DNAJC8: variants seen among roughly 807,000 people sequenced by gnomAD.
The protein encoded by DNAJC8 is dnaJ homolog subfamily C member 8.
Under a neutral mutation model 43.2 loss-of-function variants are expected in DNAJC8, and 24 were observed. That is an observed-to-expected ratio of 0.56 (90% CI 0.40 to 0.78). The LOEUF is 0.78. DNAJC8 is among the 30% of genes least tolerant of loss of function. DNAJC8 has a pLI of 0.00. For missense variants in DNAJC8, 207 were observed against 299.4 expected (o/e 0.69, Z 2.28); for synonymous variants, 83 against 98.0 (o/e 0.85, Z 0.90).
intron 6 of DNAJC8, 126 bp downstream of exon 6, chr1:28,208,215 TA>T: frequency 1.7e-6 from 1 of 588,992 alleles, no homozygotes; most frequent in Non-Finnish European, 2.6e-6. Flanking sequence ...TCAAAAATAA[TA>T]AATAAATAAA....
chr1:28,203,054 T>C (rs550159206), intron 8 of DNAJC8, among the ~76,000 whole-genome samples: 1 of 152,306 alleles, frequency 6.6e-6, no homozygotes, highest in African/African-American at 2.4e-5. Flanking sequence ...CCCCAAAACT[T>C]GGATGGCTGC....
intron 2 of DNAJC8, among the ~76,000 whole-genome samples, chr1:28,223,113 G>A (rs541436229): frequency 6.6e-6 from 1 of 152,314 alleles, no homozygotes; most frequent in Non-Finnish European, 1.5e-5. Context: ...GGTATGGTGA[G>A]AAGGGTGTCC....
intron 3 of DNAJC8, among the ~76,000 whole-genome samples, chr1:28,214,103 C>T (rs1411569539): frequency 6.6e-6 from 1 of 151,944 alleles, no homozygotes; most frequent in South Asian, 2.1e-4. Context: ...TTTAAGTTTA[C>T]TTTAAAACTT....
At chr1:28,230,795 G>A (rs1646968483) in intron 1 of DNAJC8, among the ~76,000 whole-genome samples, 1 of 152,188 alleles carries the variant, frequency 6.6e-6, no homozygotes, top group Admixed American at 6.5e-5. Context: ...ACTACAGGCA[G>A]TGCCTGCCAG....
intron 3 of DNAJC8, among the ~76,000 whole-genome samples, chr1:28,213,313 G>A (rs1489669363): frequency 6.6e-6 from 1 of 151,764 alleles, no homozygotes; most frequent in African/African-American, 2.4e-5. Context: ...TATTAATATG[G>A]GAATGATTAG....
intron 8 of DNAJC8, 80 bp downstream of exon 8, chr1:28,203,667 C>A (rs1646751216): frequency 7.2e-7 from 1 of 1,379,940 alleles, no homozygotes; most frequent in African/African-American, 1.4e-5. Flanking sequence ...CTCTGACTGC[C>A]CCACTCAGTC....
At chr1:28,202,173 T>G (rs1382660660) in intron 8 of DNAJC8, among the ~76,000 whole-genome samples, 1 of 152,212 alleles carries the variant, frequency 6.6e-6, no homozygotes, top group Non-Finnish European at 1.5e-5. Context: ...CAGGATGAGC[T>G]GCAGGTTGCA....
At chr1:28,206,719 C>A (rs1436159062) in intron 6 of DNAJC8, among the ~76,000 whole-genome samples, 1 of 152,264 alleles carries the variant, frequency 6.6e-6, no homozygotes, top group East Asian at 1.9e-4. Context: ...TTTAAATAGA[C>A]ATGGAAGTAC....
intron 3 of DNAJC8, among the ~76,000 whole-genome samples, chr1:28,212,168 A>AATATATATATAT (rs201782610): frequency 1.5e-3 from 46 of 30,914 alleles, no homozygotes; most frequent in Non-Finnish European, 2.0e-3. Flanking sequence ...TAAATAAATA[A>AATATATATATAT]ATATATATAT....
Position 28,226,950 on chromosome 1 carries a change from T to C in DNAJC8, c.180+1972A>G, listed in dbSNP as rs142726874. 1.4e-3 allele frequency among the ~76,000 whole-genome samples: 214 copies of C among 151,144 alleles called. 6 individuals carry two copies. The highest frequency in any genetic ancestry group is 4.9e-3 in the African/African-American group (203 of 41,158). On this transcript the variant is annotated intron_variant, in intron 2 of 8. Transcript: ENST00000263697. Reference sequence around the variant, plus strand: ...TTCATATAGCCTTATAACTCATTTGTACTATTCCATTTTCCTCTGTTCCTT... The same window carrying C: ...TTCATATAGCCTTATAACTCATTTGCACTATTCCATTTTCCTCTGTTCCTT...
At chr1:28,208,518 G>A in intron 5 of DNAJC8, 105 bp from the exon 6 acceptor site, 2 of 532,560 alleles carry the variant, frequency 3.8e-6, no homozygotes, top group South Asian at 6.0e-5. Context: ...CACGGGTATA[G>A]CAAAAAGTTT....
At chr1:28,210,498 G>C in intron 4 of DNAJC8, 73 bp downstream of exon 4, 3 of 1,349,726 alleles carry the variant, frequency 2.2e-6, no homozygotes, top group Admixed American at 1.8e-5. Flanking sequence ...GTCTTTGCTT[G>C]ATCTAGGACA....
intron 7 of DNAJC8, among the ~76,000 whole-genome samples, chr1:28,204,591 T>C (rs571676544): frequency 6.6e-6 from 1 of 152,306 alleles, no homozygotes; most frequent in Admixed American, 6.5e-5. Context: ...TTGTTACTGA[T>C]GACACTACAG....
rs1385274680 is a variant in DNAJC8, at chr1:28,200,394, G to A, written c.*854C>T. On this transcript the variant is annotated 3_prime_UTR_variant, in exon 9 of 9. Transcript: ENST00000263697. ...ATGGTAGTTACCTTGTATATGCCAT[G>A]GCAAATCTGCCCTAAAAGCTGCTGC... The A allele has an allele frequency of 1.4e-5, 6 of 443,018 alleles. No homozygotes were observed. The East Asian group carries it at 2.8e-4, about 21-fold the overall frequency. 27.4% of individuals were successfully genotyped at this position (443,018 alleles called of 1,614,324 possible).
At chr1:28,222,539 T>C (rs1646906014) in intron 2 of DNAJC8, among the ~76,000 whole-genome samples, 1 of 147,908 alleles carries the variant, frequency 6.8e-6, no homozygotes, top group African/African-American at 2.5e-5. Context: ...TTTTATGTTA[T>C]GTGTATTTTA....
chr1:28,233,022 A>G lies in DNAJC8; in HGVS notation c.-24T>C. The G allele has an allele frequency of 6.2e-7, 1 of 1,609,144 alleles. No individual in the cohort carries two copies. Among genetic ancestry groups the G allele is most frequent in the Non-Finnish European group, 8.5e-7 (1 of 1,179,856 alleles). ...ATTTCCCCGGCCCAGCCACCACGTG[A>G]CCCTTCTGCGCAGGCGTCGCCTCAC... is the stretch of plus-strand genomic sequence containing the variant. On this transcript the variant is annotated 5_prime_UTR_variant, in exon 1 of 9. Transcript: ENST00000263697.
chr1:28,228,816 C>G, intron 2 of DNAJC8, 106 bp downstream of exon 2: 1 of 920,528 alleles, frequency 1.1e-6, no homozygotes, highest in South Asian at 1.7e-5. Context: ...CCATTTTTCT[C>G]AATCCTAACT....
chr1:28,215,101 T>C, intron 2 of DNAJC8, 105 bp from the exon 3 acceptor site: 2 of 885,630 alleles, frequency 2.3e-6, no homozygotes, highest in South Asian at 4.3e-5. Flanking sequence ...TCTAGAATAG[T>C]ACCCCATGTT....
At chr1:28,212,859 C>T (rs112240489) in intron 3 of DNAJC8, among the ~76,000 whole-genome samples, 1,831 of 152,260 alleles carry the variant, frequency 0.012, 41 homozygotes, top group African/African-American at 0.04. Flanking sequence ...TCTCTGCCTC[C>T]GCTTCCTGCT....
Sources: allele counts gnomAD v4.1 joint callset (sites outside exome capture counted in the v4.1 genomes callset), GRCh38; gene constraint gnomAD v4.1.1; transcripts MANE v1.5; gene names NCBI Gene and HGNC (gene_info 2026-07-23, HGNC 2026-07-21).